SPTLC2: variants seen among roughly 807,000 people sequenced by gnomAD.
SPTLC2 encodes the protein serine palmitoyltransferase 2.
Under a neutral mutation model 62.0 loss-of-function variants are expected in SPTLC2, and 21 were observed. The observed-to-expected ratio is 0.34, with a 90% CI of 0.24 to 0.49. The LOEUF (loss-of-function observed/expected upper bound fraction) is 0.49. SPTLC2 is among the 20% of genes least tolerant of loss of function. The probability of loss-of-function intolerance (pLI) is 0.99; values close to 1 mark genes in which losing one functional copy is unlikely to be tolerated. For missense variants in SPTLC2, 511 were observed against 713.0 expected, an observed-to-expected ratio of 0.72 and a Z score of 3.23; for synonymous variants, 261 against 261.8, an observed-to-expected ratio of 1.00 and a Z score of 0.03.
intron 9 of SPTLC2, among the ~76,000 whole-genome samples, chr14:77,523,959 G>A (rs12589478): frequency 0.21 from 32,344 of 152,074 alleles, 3,890 homozygotes; most frequent in East Asian, 0.3. Flanking sequence ...CGTACAACCA[G>A]GGGAAAAGTC....
At chr14:77,521,308 G>C (rs994773298) in intron 10 of SPTLC2, 138 bp downstream of exon 10, 12 of 1,071,420 alleles carry the variant, frequency 1.1e-5, no homozygotes, top group Non-Finnish European at 1.4e-5. Context: ...TCCACTATTT[G>C]ATCTATGGCA....
intron 4 of SPTLC2, among the ~76,000 whole-genome samples, chr14:77,571,923 C>CGG (rs1566784012): frequency 1.3e-5 from 2 of 151,884 alleles, no homozygotes; most frequent in Non-Finnish European, 2.9e-5. Flanking sequence ...CCCAAGTAGC[C>CGG]GGGATTACAG....
At chr14:77,602,709 C>T (rs577145502) in intron 1 of SPTLC2, among the ~76,000 whole-genome samples, 1 of 152,046 alleles carries the variant, frequency 6.6e-6, no homozygotes, top group Admixed American at 6.6e-5. Context: ...AAGAGATTAA[C>T]ATAAGATAAC....
chr14:77,559,669 C>T (rs1195554110), intron 6 of SPTLC2, among the ~76,000 whole-genome samples: 1 of 152,118 alleles, frequency 6.6e-6, no homozygotes, highest in Non-Finnish European at 1.5e-5. Context: ...ACAGCAGGAT[C>T]GTTTCAGCCT....
chr14:77,551,086 T>C (rs911980028), intron 9 of SPTLC2, among the ~76,000 whole-genome samples: 3 of 151,990 alleles, frequency 2.0e-5, no homozygotes, highest in Non-Finnish European at 4.4e-5. Flanking sequence ...AAACTGACTT[T>C]ACAAGCATTA....
intron 4 of SPTLC2, among the ~76,000 whole-genome samples, chr14:77,573,230 C>G (rs1176222322): frequency 2.6e-5 from 4 of 151,892 alleles, no homozygotes; most frequent in African/African-American, 9.7e-5. Context: ...TAAATGGGTA[C>G]AAATATAGAG....
rs1377098914 is a variant in SPTLC2 at position 77,508,435 on chromosome 14, AAAC to A, written c.*3846_*3848del. On this transcript the variant is annotated 3_prime_UTR_variant, in exon 12 of 12. Transcript: ENST00000216484. ...GCCCATAACCCTACAAATCCTTGCA[AAAC>A]AACAGTTACTCACATTCTTTCTTCA... 2 of 152,240 alleles carry A rather than the reference AAAC, an allele frequency of 1.3e-5. No individual in the cohort carries two copies. 9.4% of individuals were successfully genotyped at this position (152,240 alleles called of 1,614,324 possible). A position where few individuals can be genotyped will look rare whatever the true frequency, so the allele number is the denominator to read the frequency against.
At chr14:77,574,260 C>A (rs61990794) in intron 4 of SPTLC2, among the ~76,000 whole-genome samples, 44 of 152,260 alleles carry the variant, frequency 2.9e-4, no homozygotes, top group Non-Finnish European at 5.4e-4. Context: ...CAAGTAAATT[C>A]ACTGTATGGA....
At chr14:77,513,049 A>C (rs1387162016) in intron 11 of SPTLC2, among the ~76,000 whole-genome samples, 11 of 47,770 alleles carry the variant, frequency 2.3e-4, no homozygotes, top group Non-Finnish European at 3.4e-4. Flanking sequence ...TTTTTGAGAC[A>C]GAGTCTTGCT....
At chr14:77,522,187 G>A (rs1310514681) in intron 9 of SPTLC2, among the ~76,000 whole-genome samples, 4 of 149,564 alleles carry the variant, frequency 2.7e-5, no homozygotes, top group Non-Finnish European at 4.4e-5. Context: ...TTTTTGAGAC[G>A]GTGTCTCACT....
At chr14:77,534,279 T>C (rs1359928842) in intron 9 of SPTLC2, among the ~76,000 whole-genome samples, 1 of 151,652 alleles carries the variant, frequency 6.6e-6, no homozygotes, top group Non-Finnish European at 1.5e-5. Flanking sequence ...CTTCATATTA[T>C]TTACTCCATA....
intron 2 of SPTLC2, among the ~76,000 whole-genome samples, chr14:77,594,333 TTTACTTTCTGTAAACATGAAACAAG>T (rs1221877257): frequency 6.6e-6 from 1 of 152,222 alleles, no homozygotes; most frequent in African/African-American, 2.4e-5. Context: ...AAACCACCAA[TTTACTTTCTGTAAACATGAAACAAG>T]TTCCAAAGAT....
intron 5 of SPTLC2, 55 bp downstream of exon 5, chr14:77,570,329 C>T: frequency 1.3e-6 from 2 of 1,593,388 alleles, no homozygotes; most frequent in Non-Finnish European, 1.7e-6. Context: ...GACTGCTTTT[C>T]AAAACAAAAG....
intron 4 of SPTLC2, among the ~76,000 whole-genome samples, chr14:77,576,453 T>C (rs1161803567): frequency 6.6e-6 from 1 of 152,204 alleles, no homozygotes; most frequent in Non-Finnish European, 1.5e-5. Context: ...TCCTAATAAG[T>C]GGCACTCTTA....
intron 1 of SPTLC2, among the ~76,000 whole-genome samples, chr14:77,612,597 C>T (rs1422257409): frequency 1.3e-5 from 2 of 152,176 alleles, no homozygotes; most frequent in African/African-American, 4.8e-5. Context: ...TATGACTATT[C>T]TAACTATTTC....
At chr14:77,534,125 T>C (rs2079455403) in intron 9 of SPTLC2, among the ~76,000 whole-genome samples, 1 of 151,448 alleles carries the variant, frequency 6.6e-6, no homozygotes, top group African/African-American at 2.4e-5. Context: ...GCCGCCGCAC[T>C]ACAGCCTGGA....
Position 77,510,419 on chromosome 14 carries a change from T to C in SPTLC2, c.*1865A>G, listed in dbSNP as rs1056141945. The C allele has an allele frequency of 1.3e-5, 2 of 153,226 alleles. No individual in the cohort carries two copies. The highest frequency in any genetic ancestry group is 6.5e-5 in the Admixed American group (1 of 15,324). The allele number at this position is 153,226 out of a possible 1,614,324, so 9.5% of individuals were successfully genotyped here. ...CTGATGACAACACACCCAGGAGAAT[T>C]TGGATTGAGAATCTTTACCGATAAA... On this transcript the variant is annotated 3_prime_UTR_variant, in exon 12 of 12. Coordinates refer to ENST00000216484, the MANE Select transcript of SPTLC2 (RefSeq NM_004863.4).
At chr14:77,548,370 C>T (rs1429505737) in intron 9 of SPTLC2, among the ~76,000 whole-genome samples, 3 of 152,206 alleles carry the variant, frequency 2.0e-5, no homozygotes, top group Non-Finnish European at 2.9e-5. Flanking sequence ...TTATTAACTA[C>T]ACCTTTGGAC....
chr14:77,580,009 A>G (rs2079739158), intron 2 of SPTLC2, among the ~76,000 whole-genome samples: 1 of 152,102 alleles, frequency 6.6e-6, no homozygotes, highest in East Asian at 1.9e-4. Context: ...TTCCCTCCCC[A>G]CAAGCCTCCT....
Sources: allele counts gnomAD v4.1 joint callset (sites outside exome capture counted in the v4.1 genomes callset), GRCh38; gene constraint gnomAD v4.1.1; transcripts MANE v1.5; gene names NCBI Gene and HGNC (gene_info 2026-07-23, HGNC 2026-07-21).